The following MLC1 variants were observed in gnomAD, a reference collection of about 807,000 sequenced individuals.
The protein encoded by MLC1 is membrane protein MLC1.
A neutral mutation model predicts 44.7 loss-of-function variants in MLC1; 32 were observed. The ratio of observed to expected loss-of-function variants is 0.72; its 90% CI spans 0.54 to 0.96. MLC1 has a LOEUF of 0.96. Ranked by LOEUF, MLC1 falls within the 40% of genes least tolerant of loss-of-function variation. The pLI is 0.00. For synonymous variants in MLC1, 190 were observed against 213.0 expected, an observed-to-expected ratio of 0.89 and a Z score of 0.94; for missense variants, 459 against 492.2, an observed-to-expected ratio of 0.93 and a Z score of 0.64.
At chr22:50,068,103 TAAACTC>T (rs2061757270) in intron 10 of MLC1, among the ~76,000 whole-genome samples, 1 of 152,238 alleles carries the variant, frequency 6.6e-6, no homozygotes, top group Non-Finnish European at 1.5e-5. Context: ...ATTCACCTGT[TAAACTC>T]AATGCAGTTC....
At chr22:50,078,208 C>T (rs1489581386) in intron 5 of MLC1, among the ~76,000 whole-genome samples, 1 of 151,618 alleles carries the variant, frequency 6.6e-6, no homozygotes, top group Non-Finnish European at 1.5e-5. Context: ...TCAGGCTGGT[C>T]TCGAACTCCT....
chr22:50,078,950 G>A (rs956486329), intron 5 of MLC1, among the ~76,000 whole-genome samples: 1 of 152,028 alleles, frequency 6.6e-6, no homozygotes, highest in African/African-American at 2.4e-5. Context: ...ACAAGCCACT[G>A]ACCCAGGGAC....
chr22:50,061,647 C>A lies in MLC1; in HGVS notation c.1070G>T (p.Ser357Ile), dbSNP rs2061561009. Residue 357 changes from serine (S) to isoleucine (I), a missense_variant, in exon 12 of 12, where the codon AGC becomes ATC. Transcript: ENST00000311597. ...QERLAGEVAR[S>I]PLKEFDKEKA... Reference sequence around the variant, plus strand: ...CTCCTTGTCGAACTCCTTCAGGGGGCTCCTGGCCACCTGCAACCGAGACAG... The same window carrying A: ...CTCCTTGTCGAACTCCTTCAGGGGGATCCTGGCCACCTGCAACCGAGACAG... The A allele has an allele frequency of 6.2e-7, 1 of 1,613,400 alleles. No homozygotes were observed. Among genetic ancestry groups the A allele is most frequent in the South Asian group, 1.1e-5 (1 of 91,090 alleles).
Position 50,083,016 on chromosome 22 carries a change from G to C in MLC1, c.267+68C>G. ...AGGTGACAGAAACCTGCACATCTCAGAACAAAGAAACCAGAGCACGTGCCG... is the reference window on the plus strand; with the variant it reads ...AGGTGACAGAAACCTGCACATCTCACAACAAAGAAACCAGAGCACGTGCCG... On this transcript the variant is annotated intron_variant, in intron 3 of 11. Coordinates refer to ENST00000311597, the MANE Select transcript of MLC1 (RefSeq NM_015166.4). The surrounding 1 kb of genome is among the most constrained non-coding windows in gnomAD (Gnocchi z 4.6). The C allele has an allele frequency of 6.7e-7, 1 of 1,484,652 alleles. No homozygotes were observed. Among genetic ancestry groups the C allele is most frequent in the African/African-American group, 1.4e-5 (1 of 72,200 alleles). The allele number at this position is 1,484,652 out of a possible 1,614,324, so 92.0% of individuals were successfully genotyped here. A position where few individuals can be genotyped will look rare whatever the true frequency, so the allele number is the denominator to read the frequency against.
intron 7 of MLC1, among the ~76,000 whole-genome samples, chr22:50,076,099 G>A (rs1041669485): frequency 6.6e-6 from 1 of 152,184 alleles, no homozygotes; most frequent in South Asian, 2.1e-4. Context: ...AAACTCAAAA[G>A]ATGGTAAAAA....
chr22:50,072,883 C>T (rs990904487), intron 8 of MLC1: 2 of 152,486 alleles, frequency 1.3e-5, no homozygotes, highest in Non-Finnish European at 2.9e-5. Context: ...GGTCTCTTTC[C>T]CTCTCTGAGC....
At chr22:50,080,919 A>C (rs950400531) in intron 3 of MLC1, among the ~76,000 whole-genome samples, 1 of 151,924 alleles carries the variant, frequency 6.6e-6, no homozygotes, top group Non-Finnish European at 1.5e-5. Flanking sequence ...ACTACTCCGG[A>C]GGCTGAGCTG....
chr22:50,070,412 A>G (rs917338235), intron 9 of MLC1, 115 bp downstream of exon 9: 226 of 1,038,268 alleles, frequency 2.2e-4, no homozygotes, highest in Non-Finnish European at 3.2e-4. Context: ...CCTGCAGCCC[A>G]GTCACTGCGC....
intron 11 of MLC1, among the ~76,000 whole-genome samples, chr22:50,063,166 T>C (rs547147082): frequency 1.3e-5 from 2 of 152,220 alleles, no homozygotes; most frequent in South Asian, 2.1e-4. Context: ...CCAGGCTTTG[T>C]GTTTGTATTT....
At position 50,079,898 on chromosome 22, in the gene MLC1, C is replaced by T. The variant is rs1383435649; in HGVS notation, c.423+20G>A. ...GGGCTGTGGGTGTCAGGCGTCTGCG[C>T]GAAGCTCGTGTGAACTCACGTTTAT... is the stretch of plus-strand genomic sequence containing the variant. On this transcript the variant is annotated intron_variant, in intron 5 of 11. Coordinates refer to ENST00000311597, the MANE Select transcript of MLC1 (RefSeq NM_015166.4). The T allele has an allele frequency of 2.5e-6, 4 of 1,575,576 alleles. No individual in the cohort carries two copies. The highest frequency in any genetic ancestry group is 2.2e-5 in the East Asian group (1 of 44,706).
rs200163312 is a variant in MLC1, at chr22:50,068,445, C to T, written c.882G>A (p.Pro294=). 2.4e-5 allele frequency: 38 copies of T among 1,608,738 alleles called. No individual in the cohort carries two copies. The East Asian group carries it at 7.0e-4, about 30-fold the overall frequency. Residue 294 remains proline (P), a synonymous_variant, in exon 10 of 12, where the codon CCG becomes CCA. Transcript: ENST00000311597. The part of the protein sequence containing the change: ...MRIVEMFKDY[P]PAIKPSYDVL... ...AAATACAACTCACTTTTATGGCTGG[C>T]GGGTAATCCTTAAACATCTCCACGA...
rs372694948 is a variant in MLC1 at position 50,074,192 on chromosome 22, G to A, written c.714+24C>T. On this transcript the variant is annotated intron_variant, in intron 8 of 11. Transcript: ENST00000311597. ...GAGCAGTGTGGCCCAGAGCGGCGGCGGGCGGGCCAGAGGGGTTACTCACGG... is the reference window on the plus strand; with the variant it reads ...GAGCAGTGTGGCCCAGAGCGGCGGCAGGCGGGCCAGAGGGGTTACTCACGG... The A allele has an allele frequency of 7.3e-5, 115 of 1,582,452 alleles. No homozygotes were observed. In the East Asian group the frequency reaches 2.3e-3, roughly 31 times the overall value.
intron 7 of MLC1, among the ~76,000 whole-genome samples, chr22:50,075,372 C>G (rs2061954529): frequency 6.6e-6 from 1 of 152,170 alleles, no homozygotes; most frequent in Non-Finnish European, 1.5e-5. Flanking sequence ...ACCTGGGCAG[C>G]CAGGCCTTGC....
At chr22:50,085,310 T>C in intron 1 of MLC1, 45 bp downstream of exon 1, 1 of 681,836 alleles carries the variant, frequency 1.5e-6, no homozygotes, top group East Asian at 7.3e-5. Flanking sequence ...AACGAGAGAT[T>C]GCAAAACATG....
intron 3 of MLC1, 86 bp from the exon 4 acceptor site, chr22:50,080,483 G>C: frequency 7.2e-7 from 1 of 1,383,954 alleles, no homozygotes; most frequent in Non-Finnish European, 1.0e-6. Flanking sequence ...GCTTCCAGAA[G>C]GATCTGAATC....
At chr22:50,065,211 G>A (rs1007682716) in intron 10 of MLC1, among the ~76,000 whole-genome samples, 4 of 152,106 alleles carry the variant, frequency 2.6e-5, no homozygotes. Flanking sequence ...GTGCCACTAC[G>A]CCCGGCCTGG....
chr22:50,076,280 T>C (rs2061978476), intron 7 of MLC1, among the ~76,000 whole-genome samples: 1 of 151,964 alleles, frequency 6.6e-6, no homozygotes, highest in Non-Finnish European at 1.5e-5. Context: ...AGAGGCCAGG[T>C]GCGGTGGCTC....
chr22:50,079,109 C>G (rs1348917119), intron 5 of MLC1, among the ~76,000 whole-genome samples: 1 of 152,046 alleles, frequency 6.6e-6, no homozygotes, highest in East Asian at 1.9e-4. Context: ...CATGGTGAAA[C>G]CTTGTCTGTA....
chr22:50,067,659 C>G (rs1001792754), intron 10 of MLC1, among the ~76,000 whole-genome samples: 5 of 127,410 alleles, frequency 3.9e-5, no homozygotes, highest in Admixed American at 3.2e-4. Flanking sequence ...ACTCCATCCC[C>G]CATCAGACAG....
Sources: gnomAD v4.1 joint callset for allele counts (sites outside exome capture counted in the v4.1 genomes callset) on GRCh38, gnomAD v4.1.1 for gene constraint, Gnocchi (gnomAD v3.1) non-coding constraint, MANE v1.5 for transcripts, NCBI Gene and HGNC (gene_info 2026-07-23, HGNC 2026-07-21) for gene names.